Variants in SPTBN4 observed in about 807,000 individuals in gnomAD.
SPTBN4 encodes the protein spectrin beta chain, non-erythrocytic 4.
Under a neutral mutation model 277.8 loss-of-function variants are expected in SPTBN4, and 96 were observed. The observed-to-expected ratio is 0.35, with a 90% CI of 0.29 to 0.41. The LOEUF is 0.41. SPTBN4 is among the 10% of genes least tolerant of loss of function. The probability of loss-of-function intolerance (pLI) is 1.00; values close to 1 mark genes in which losing one functional copy is unlikely to be tolerated. For synonymous variants in SPTBN4, 1,481 were observed against 1,580.3 expected (o/e 0.94, Z 1.49); for missense variants, 3,006 against 3,595.7 (o/e 0.84, Z 4.19).
At chr19:40,537,931 A>G (rs1398495592) in intron 20 of SPTBN4, among the ~76,000 whole-genome samples, 1 of 152,214 alleles carries the variant, frequency 6.6e-6, no homozygotes, top group Non-Finnish European at 1.5e-5. Context: ...GTTTCTTGAC[A>G]AAGGTGTGAG....
At chr19:40,488,674 G>A (rs1248545715) in intron 3 of SPTBN4, among the ~76,000 whole-genome samples, 1 of 152,100 alleles carries the variant, frequency 6.6e-6, no homozygotes, top group East Asian at 1.9e-4. Flanking sequence ...ACCAGGCGTG[G>A]TGGCGCAGGC....
chr19:40,500,536 G>A (rs1216703362), intron 7 of SPTBN4, among the ~76,000 whole-genome samples: 1 of 152,150 alleles, frequency 6.6e-6, no homozygotes, highest in Admixed American at 6.5e-5. Context: ...ATACGGCTGG[G>A]CCCACGCCTA....
intron 4 of SPTBN4, among the ~76,000 whole-genome samples, chr19:40,492,190 G>A (rs1281486894): frequency 6.6e-6 from 1 of 152,130 alleles, no homozygotes; most frequent in African/African-American, 2.4e-5. Flanking sequence ...AGGGAGTGGA[G>A]TGGACAGGCC....
At chr19:40,476,345 CAAAA>C (rs60942038) in intron 2 of SPTBN4, among the ~76,000 whole-genome samples, 8 of 115,544 alleles carry the variant, frequency 6.9e-5, no homozygotes, top group African/African-American at 3.1e-5. Context: ...AACTCTGTCT[CAAAA>C]AAAAAAAAAA....
chr19:40,529,645 A>C (rs2080639898), intron 18 of SPTBN4, among the ~76,000 whole-genome samples: 1 of 152,184 alleles, frequency 6.6e-6, no homozygotes, highest in Non-Finnish European at 1.5e-5. Context: ...GAGATGGTCC[A>C]GGCCCCCTTC....
intron 6 of SPTBN4, among the ~76,000 whole-genome samples, 185 bp downstream of exon 6, chr19:40,495,162 C>A (rs1455276049): frequency 2.6e-5 from 4 of 152,170 alleles, no homozygotes; most frequent in African/African-American, 4.8e-5. Context: ...CACACAGGAA[C>A]ACACACCCAC....
chr19:40,476,865 G>A (rs1252121153), intron 2 of SPTBN4, among the ~76,000 whole-genome samples: 1 of 151,940 alleles, frequency 6.6e-6, no homozygotes, highest in Non-Finnish European at 1.5e-5. Flanking sequence ...GGAATTACAG[G>A]CATGAGCCAC....
chr19:40,467,869 T>C (rs1452993797), intron 1 of SPTBN4, among the ~76,000 whole-genome samples: 3 of 152,058 alleles, frequency 2.0e-5, no homozygotes, highest in African/African-American at 7.2e-5. Context: ...AGATACTCGG[T>C]TAAAGATACA....
At chr19:40,526,167 CTTT>C (rs1168105162) in intron 17 of SPTBN4, among the ~76,000 whole-genome samples, 3 of 93,172 alleles carry the variant, frequency 3.2e-5, no homozygotes, top group African/African-American at 8.8e-5. Context: ...AGGTGCTGTT[CTTT>C]TTTTTTTTTT....
chr19:40,469,938 C>G lies in SPTBN4; in HGVS notation c.-16+2633C>G, dbSNP rs537902748. ...GGATTACAGGTGTGAGCCACTGTGC[C>G]CGGCCAATTTCTTCTTTTTTTAAAT... On this transcript the variant is annotated intron_variant, in intron 1 of 35. Transcript: ENST00000598249. 5.9e-3 allele frequency among the ~76,000 whole-genome samples: 897 copies of G among 152,020 alleles called. 7 individuals are homozygous for G. Among genetic ancestry groups the G allele is most frequent in the Non-Finnish European group, 9.4e-3 (642 of 67,966 alleles).
At chr19:40,563,197 G>C (rs924347559) in intron 27 of SPTBN4, among the ~76,000 whole-genome samples, 3 of 152,010 alleles carry the variant, frequency 2.0e-5, no homozygotes, top group Non-Finnish European at 2.9e-5. Context: ...GGGTGACAGA[G>C]CGAGATTCTG....
chr19:40,568,509 C>T (rs997992768), intron 31 of SPTBN4, among the ~76,000 whole-genome samples: 1 of 152,194 alleles, frequency 6.6e-6, no homozygotes, highest in Non-Finnish European at 1.5e-5. Context: ...AGGCAGACTG[C>T]CTTTCTCCAG....
chr19:40,506,157 G>T, intron 12 of SPTBN4, 79 bp from the exon 13 acceptor site: 1 of 1,522,520 alleles, frequency 6.6e-7, no homozygotes, highest in Non-Finnish European at 8.8e-7. Flanking sequence ...GAGTAGCAGG[G>T]GCTGGCATAG....
Position 40,560,729 on chromosome 19 carries a change from G to A in SPTBN4, c.5915+326G>A, listed in dbSNP as rs2145942914. ...GGTGTGGGACTGTATTTGTGAGGGTGGGTGAAGAATTCTAACAATTCCAGC... is the reference window on the plus strand; with the variant it reads ...GGTGTGGGACTGTATTTGTGAGGGTAGGTGAAGAATTCTAACAATTCCAGC... On this transcript the variant is annotated intron_variant, in intron 27 of 35. Transcript: ENST00000598249. The surrounding 1 kb of genome is among the most constrained non-coding windows in gnomAD (Gnocchi z 5.2). 2.2e-6 allele frequency: 3 copies of A among 1,362,376 alleles called. No individual in the cohort carries two copies. Among genetic ancestry groups the A allele is most frequent in the Middle Eastern group, 2.8e-4 (1 of 3,624 alleles). 84.4% of individuals were successfully genotyped at this position (1,362,376 alleles called of 1,614,324 possible).
At chr19:40,572,707 C>T (rs950369483) in intron 35 of SPTBN4, 7 of 285,576 alleles carry the variant, frequency 2.5e-5, no homozygotes, top group Admixed American at 2.4e-4. Flanking sequence ...GCTTGTAATC[C>T]CAGTACTTTG....
At chr19:40,491,356 G>A (rs2080133503) in intron 4 of SPTBN4, among the ~76,000 whole-genome samples, 1 of 152,150 alleles carries the variant, frequency 6.6e-6, no homozygotes, top group South Asian at 2.1e-4. Flanking sequence ...GGGGCTAGGT[G>A]ATCTGTGATG....
At chr19:40,539,487 C>CT (rs1488729767) in intron 20 of SPTBN4, among the ~76,000 whole-genome samples, 1 of 152,058 alleles carries the variant, frequency 6.6e-6, no homozygotes, top group African/African-American at 2.4e-5. Context: ...GTTTCTTTTT[C>CT]TTTTTTTAAG....
chr19:40,573,501 G>C (rs1176823681), intron 35 of SPTBN4, among the ~76,000 whole-genome samples: 1 of 152,152 alleles, frequency 6.6e-6, no homozygotes, highest in Admixed American at 6.6e-5. Context: ...TTACCTAAGG[G>C]CACTGGAGAG....
At position 40,504,136 on chromosome 19, in the gene SPTBN4, CCGG is replaced by C; in HGVS notation, c.1665+8_1665+10del. The C allele has an allele frequency of 1.4e-5, 11 of 786,056 alleles. No individual in the cohort carries two copies. The highest frequency in any genetic ancestry group is 9.1e-5 in the African/African-American group (1 of 11,010). 48.7% of individuals were successfully genotyped at this position (786,056 alleles called of 1,614,324 possible). A position where few individuals can be genotyped will look rare whatever the true frequency, so the allele number is the denominator to read the frequency against. ...GGACTGGATGGAGGAGATGCAGGTG[CCGG>C]CGGGGGGGCGGGGATGCGGGTGGAG... On this transcript the variant is annotated splice_donor_5th_base_variant and intron_variant, in intron 12 of 35. Coordinates refer to ENST00000598249, the MANE Select transcript of SPTBN4 (RefSeq NM_020971.3).
Sources: gnomAD v4.1 joint callset for allele counts (sites outside exome capture counted in the v4.1 genomes callset) on GRCh38, gnomAD v4.1.1 for gene constraint, Gnocchi (gnomAD v3.1) non-coding constraint, MANE v1.5 for transcripts, NCBI Gene and HGNC (gene_info 2026-07-23, HGNC 2026-07-21) for gene names.